FHIT: variants seen among roughly 807,000 people sequenced by gnomAD.
FHIT encodes the protein fragile histidine triad diadenosine triphosphatase, also known as bis(5'-adenosyl)-triphosphatase.
FHIT carries 19 observed loss-of-function variants against 17.9 expected under a neutral mutation model. The ratio of observed to expected loss-of-function variants is 1.06; its 90% CI spans 0.74 to 1.56. FHIT has a LOEUF of 1.56. FHIT is among the 40% of genes most tolerant of loss of function. The pLI is 0.00. For missense variants in FHIT, 248 were observed against 189.2 expected, an observed-to-expected ratio of 1.31 and a Z score of -1.82; for synonymous variants, 81 against 69.7, an observed-to-expected ratio of 1.16 and a Z score of -0.81.
intron 5 of FHIT, among the ~76,000 whole-genome samples, chr3:60,347,108 C>T (rs1160793891): frequency 6.6e-6 from 1 of 151,778 alleles, no homozygotes; most frequent in African/African-American, 2.4e-5. Context: ...AATCTGCCTA[C>T]CAACTGAACT....
chr3:60,324,150 T>C (rs1709564879), intron 5 of FHIT, among the ~76,000 whole-genome samples: 1 of 152,116 alleles, frequency 6.6e-6, no homozygotes, highest in Admixed American at 6.5e-5. Context: ...TATTAACTCA[T>C]TTACTCCTCA....
intron 5 of FHIT, among the ~76,000 whole-genome samples, chr3:60,533,761 G>A (rs777186883): frequency 7.9e-5 from 12 of 152,178 alleles, no homozygotes; most frequent in Non-Finnish European, 1.3e-4. Context: ...AAGGGAGACT[G>A]AGCCAGTACA....
chr3:60,819,966 C>T (rs1459701774), intron 4 of FHIT, among the ~76,000 whole-genome samples: 8 of 152,092 alleles, frequency 5.3e-5, no homozygotes, highest in African/African-American at 1.9e-4. Context: ...ATTAAAATGC[C>T]ACCCTTCCAG....
chr3:60,255,743 C>A (rs1230307546), intron 5 of FHIT, among the ~76,000 whole-genome samples: 1 of 152,058 alleles, frequency 6.6e-6, no homozygotes, highest in East Asian at 1.9e-4. Context: ...TAGTCTGCAG[C>A]CTTAGATGGA....
chr3:60,682,266 C>T (rs529653370), intron 4 of FHIT, among the ~76,000 whole-genome samples: 374 of 152,240 alleles, frequency 2.5e-3, no homozygotes, highest in African/African-American at 8.8e-3. Context: ...CCACCACACC[C>T]GGCCAAAGGC....
chr3:60,752,536 T>C (rs1177675440), intron 4 of FHIT, among the ~76,000 whole-genome samples: 4 of 152,170 alleles, frequency 2.6e-5, no homozygotes, highest in African/African-American at 4.8e-5. Context: ...AGACCTCCTC[T>C]CCAAGTTCTC....
chr3:59,947,107 G>A (rs925008241), intron 7 of FHIT, among the ~76,000 whole-genome samples: 1 of 152,134 alleles, frequency 6.6e-6, no homozygotes, highest in Non-Finnish European at 1.5e-5. Flanking sequence ...CTCTTTATAT[G>A]TCTAGTAGAA....
intron 8 of FHIT, among the ~76,000 whole-genome samples, chr3:59,880,905 T>A (rs1703380845): frequency 6.6e-6 from 1 of 152,176 alleles, no homozygotes; most frequent in South Asian, 2.1e-4. Flanking sequence ...AATGAATGGG[T>A]ATTGGTCTTT....
chr3:60,596,839 G>C (rs2038287596), intron 4 of FHIT, among the ~76,000 whole-genome samples: 1 of 152,070 alleles, frequency 6.6e-6, no homozygotes, highest in Non-Finnish European at 1.5e-5. Flanking sequence ...CAAGAGATGA[G>C]AGTTAAATTA....
At chr3:61,100,040 T>C (rs1022362801) in intron 2 of FHIT, among the ~76,000 whole-genome samples, 7 of 152,162 alleles carry the variant, frequency 4.6e-5, no homozygotes, top group African/African-American at 1.4e-4. Context: ...ATTTCCCTAA[T>C]GACAGATAAC....
At chr3:60,627,993 T>C (rs533608951) in intron 4 of FHIT, among the ~76,000 whole-genome samples, 2 of 152,332 alleles carry the variant, frequency 1.3e-5, no homozygotes, top group Admixed American at 1.3e-4. Context: ...CTTTATTATT[T>C]TCTTCTGCTT....
At chr3:60,703,263 C>G (rs532870804) in intron 4 of FHIT, among the ~76,000 whole-genome samples, 1 of 152,092 alleles carries the variant, frequency 6.6e-6, no homozygotes, top group Non-Finnish European at 1.5e-5. Flanking sequence ...GAGGGCCACC[C>G]CTTAGAGCCT....
intron 4 of FHIT, among the ~76,000 whole-genome samples, chr3:60,651,545 T>A (rs1364282392): frequency 1.3e-5 from 2 of 152,028 alleles, no homozygotes; most frequent in Non-Finnish European, 1.5e-5. Context: ...TCCAATCTTT[T>A]TTTTTTTCAA....
At chr3:60,963,982 T>C (rs575588080) in intron 3 of FHIT, among the ~76,000 whole-genome samples, 1 of 152,296 alleles carries the variant, frequency 6.6e-6, no homozygotes, top group Admixed American at 6.5e-5. Context: ...TTCCTGGATA[T>C]CATTGTTAAC....
intron 3 of FHIT, among the ~76,000 whole-genome samples, chr3:60,963,261 G>A (rs547553210): frequency 6.6e-6 from 1 of 152,092 alleles, no homozygotes; most frequent in Non-Finnish European, 1.5e-5. Flanking sequence ...TATTTCTGTG[G>A]GATCAGTGGT....
rs546054792 is a variant in FHIT at position 61,100,460 on chromosome 3, T to C, written c.-163-58361A>G. 4.3e-4 allele frequency among the ~76,000 whole-genome samples: 66 copies of C among 152,340 alleles called. No homozygotes were observed. In the South Asian group the frequency reaches 4.4e-3, roughly 10 times the overall value. ...CACATTTTCCTTATCCAGTCTATCA[T>C]TGATGGGCATTTGGGTTGGTTCGAA... On this transcript the variant is annotated intron_variant, in intron 2 of 9. Transcript: ENST00000492590.
intron 8 of FHIT, among the ~76,000 whole-genome samples, chr3:59,904,498 G>C (rs1683643): frequency 1.3e-5 from 2 of 152,138 alleles, no homozygotes; most frequent in African/African-American, 4.8e-5. Flanking sequence ...ACAATCAGGA[G>C]ACAAGTAGAC....
intron 3 of FHIT, among the ~76,000 whole-genome samples, chr3:61,010,858 T>C (rs1311120548): frequency 2.0e-5 from 3 of 152,210 alleles, no homozygotes; most frequent in African/African-American, 7.2e-5. Context: ...CCATGTTTTA[T>C]AGAAAGTAAG....
chr3:60,064,454 ACT>A (rs1157497362), intron 5 of FHIT, among the ~76,000 whole-genome samples: 1 of 152,090 alleles, frequency 6.6e-6, no homozygotes, highest in Non-Finnish European at 1.5e-5. Flanking sequence ...TGCAGAGAAG[ACT>A]CTGTTTCCAT....
Sources: gnomAD v4.1 joint callset for allele counts (sites outside exome capture counted in the v4.1 genomes callset) on GRCh38, gnomAD v4.1.1 for gene constraint, MANE v1.5 for transcripts, NCBI Gene and HGNC (gene_info 2026-07-23, HGNC 2026-07-21) for gene names.